MYRIP: variants seen among roughly 807,000 people sequenced by gnomAD.
MYRIP encodes the protein myosin VIIA and Rab interacting protein.
In MYRIP, 49 loss-of-function variants were observed where a neutral mutation model predicts 98.0. The observed-to-expected ratio is 0.50, with a 90% CI of 0.40 to 0.63. The LOEUF (loss-of-function observed/expected upper bound fraction) is 0.63. MYRIP is among the 30% of genes least tolerant of loss of function. MYRIP has a pLI of 0.00. For synonymous variants in MYRIP, 404 were observed against 409.5 expected, an observed-to-expected ratio of 0.99 and a Z score of 0.16; for missense variants, 1,004 against 1,058.2, an observed-to-expected ratio of 0.95 and a Z score of 0.71.
chr3:40,071,446 G>C (rs1336271052), intron 3 of MYRIP, among the ~76,000 whole-genome samples: 1 of 152,180 alleles, frequency 6.6e-6, no homozygotes, highest in Non-Finnish European at 1.5e-5. Context: ...TAAAAGCTGG[G>C]ACAGTTGTGG....
chr3:39,937,193 A>G (rs1213625865), intron 2 of MYRIP, among the ~76,000 whole-genome samples: 2 of 152,212 alleles, frequency 1.3e-5, no homozygotes, highest in Non-Finnish European at 2.9e-5. Flanking sequence ...TCCTATAGGC[A>G]GGATGTTATA....
At chr3:40,240,033 G>A (rs1257159507) in intron 12 of MYRIP, among the ~76,000 whole-genome samples, 15 of 129,890 alleles carry the variant, frequency 1.2e-4, no homozygotes, top group Admixed American at 4.0e-4. Context: ...GGGTTTTTAT[G>A]GTTTTAGGTC....
intron 3 of MYRIP, among the ~76,000 whole-genome samples, chr3:40,092,283 A>G (rs1299581200): frequency 2.6e-5 from 4 of 152,092 alleles, no homozygotes; most frequent in South Asian, 2.1e-4. Context: ...AAAGCCCCCA[A>G]GATGTCTTCC....
In MYRIP at chr3:40,027,644, A is replaced by G. The variant is rs531073784; in HGVS notation, c.111-16406A>G. On this transcript the variant is annotated intron_variant, in intron 2 of 16. Transcript: ENST00000302541. The stretch of plus-strand genomic sequence containing the variant: ...TGAGAATACCTCATAATTTATAGTT[A>G]CTTTGTTTTGTTTAATTATTTATCA... Among the ~76,000 whole-genome samples the G allele has an allele frequency of 2.0e-5, 3 of 152,222 alleles. 1 individual carries two copies. In the South Asian group the frequency reaches 6.2e-4, roughly 32 times the overall value.
intron 4 of MYRIP, among the ~76,000 whole-genome samples, chr3:40,151,515 C>T (rs1224231069): frequency 6.6e-6 from 1 of 152,178 alleles, no homozygotes; most frequent in Non-Finnish European, 1.5e-5. Context: ...GTTGGAAAGT[C>T]ATTTGCCCTT....
At chr3:39,871,852 GAAT>G (rs1179900774) in intron 1 of MYRIP, among the ~76,000 whole-genome samples, 1 of 151,854 alleles carries the variant, frequency 6.6e-6, no homozygotes, top group African/African-American at 2.4e-5. Context: ...AGCATGAAGA[GAAT>G]AATAATAAAC....
intron 1 of MYRIP, among the ~76,000 whole-genome samples, chr3:39,874,503 G>C (rs1048570013): frequency 1.3e-5 from 2 of 152,112 alleles, no homozygotes; most frequent in African/African-American, 4.8e-5. Context: ...TTATTATTTT[G>C]AGATACGTCC....
intron 2 of MYRIP, among the ~76,000 whole-genome samples, chr3:39,982,575 C>A (rs1272601239): frequency 2.0e-5 from 3 of 152,074 alleles, no homozygotes; most frequent in Non-Finnish European, 4.4e-5. Context: ...TGCCAAGCCT[C>A]TTGGGAACTA....
At chr3:39,998,655 C>T (rs1203367447) in intron 2 of MYRIP, among the ~76,000 whole-genome samples, 2 of 150,660 alleles carry the variant, frequency 1.3e-5, no homozygotes, top group Admixed American at 1.3e-4. Flanking sequence ...CAATGACTTT[C>T]TTCACAGAAT....
At chr3:40,045,466 A>C (rs912663728) in intron 3 of MYRIP, among the ~76,000 whole-genome samples, 8 of 152,230 alleles carry the variant, frequency 5.3e-5, no homozygotes, top group African/African-American at 1.7e-4. Flanking sequence ...CTGCAACAAC[A>C]AAGGGAAGGA....
intron 3 of MYRIP, among the ~76,000 whole-genome samples, chr3:40,072,207 T>A (rs1405860915): frequency 6.6e-6 from 1 of 152,198 alleles, no homozygotes. Flanking sequence ...TTTATTTTTT[T>A]ATTTTTTATT....
chr3:40,226,382 C>A (rs1952491266), intron 11 of MYRIP, among the ~76,000 whole-genome samples: 1 of 152,190 alleles, frequency 6.6e-6, no homozygotes, highest in Non-Finnish European at 1.5e-5. Flanking sequence ...CATGTTCTCT[C>A]AGCTGTTTCC....
chr3:40,056,898 T>C (rs931785445), intron 3 of MYRIP, among the ~76,000 whole-genome samples: 2 of 152,202 alleles, frequency 1.3e-5, no homozygotes, highest in Non-Finnish European at 2.9e-5. Flanking sequence ...CCATTCACTA[T>C]GCAAAGGGTA....
At chr3:39,947,184 G>C (rs1455864869) in intron 2 of MYRIP, among the ~76,000 whole-genome samples, 1 of 152,070 alleles carries the variant, frequency 6.6e-6, no homozygotes, top group Non-Finnish European at 1.5e-5. Context: ...AGCAAGTAAA[G>C]TTGTGATATT....
intron 2 of MYRIP, among the ~76,000 whole-genome samples, chr3:40,006,679 A>T (rs1946642940): frequency 6.6e-6 from 1 of 152,196 alleles, no homozygotes; most frequent in Admixed American, 6.5e-5. Context: ...AATGTTGATT[A>T]TGCTGCCCTG....
chr3:39,988,625 T>C (rs957306056), intron 2 of MYRIP, among the ~76,000 whole-genome samples: 1 of 152,070 alleles, frequency 6.6e-6, no homozygotes, highest in African/African-American at 2.4e-5. Flanking sequence ...GGTTCCATTC[T>C]CTCTGTCTCT....
chr3:39,877,248 T>C (rs942010114), intron 1 of MYRIP, among the ~76,000 whole-genome samples: 2 of 152,160 alleles, frequency 1.3e-5, no homozygotes, highest in Non-Finnish European at 2.9e-5. Context: ...TTCTTCTAAA[T>C]TTTTTTCAAA....
intron 1 of MYRIP, among the ~76,000 whole-genome samples, chr3:39,869,403 G>GT (rs989434953): frequency 1.1e-4 from 16 of 151,032 alleles, no homozygotes; most frequent in South Asian, 4.2e-4. Flanking sequence ...ATTTTAATTT[G>GT]TTTTTTTTCA....
intron 1 of MYRIP, among the ~76,000 whole-genome samples, chr3:39,842,724 A>G (rs1452396798): frequency 1.3e-5 from 2 of 151,414 alleles, no homozygotes; most frequent in Non-Finnish European, 2.9e-5. Flanking sequence ...GAGTTCCCTG[A>G]CCCCTTGCGC....
Sources: gnomAD v4.1 joint callset for allele counts (sites outside exome capture counted in the v4.1 genomes callset) on GRCh38, gnomAD v4.1.1 for gene constraint, MANE v1.5 for transcripts, NCBI Gene and HGNC (gene_info 2026-07-23, HGNC 2026-07-21) for gene names.